TBC1D30: variants seen among roughly 807,000 people sequenced by gnomAD.
The protein encoded by TBC1D30 is TBC1 domain family member 30.
A neutral mutation model predicts 63.2 loss-of-function variants in TBC1D30; 31 were observed. That is an observed-to-expected ratio of 0.49 (90% CI 0.37 to 0.66). The LOEUF (loss-of-function observed/expected upper bound fraction) is 0.66. Ranked by LOEUF, TBC1D30 falls within the 30% of genes least tolerant of loss-of-function variation. The probability of loss-of-function intolerance (pLI) is 0.00; values close to 1 mark genes in which losing one functional copy is unlikely to be tolerated. For synonymous variants in TBC1D30, 307 were observed against 361.5 expected, an observed-to-expected ratio of 0.85 and a Z score of 1.71; for missense variants, 810 against 953.6, an observed-to-expected ratio of 0.85 and a Z score of 1.98.
chr12:64,779,873 C>T (rs1301151045), upstream of TBC1D30, among the ~76,000 whole-genome samples: 2 of 152,204 alleles, frequency 1.3e-5, no homozygotes, highest in African/African-American at 2.4e-5. Flanking sequence ...TCATGCAAAT[C>T]TCTAAGAACA....
At chr12:64,837,654 G>C (rs1875484819) in intron 6 of TBC1D30, among the ~76,000 whole-genome samples, 1 of 152,148 alleles carries the variant, frequency 6.6e-6, no homozygotes, top group Non-Finnish European at 1.5e-5. Flanking sequence ...GTGTGGCCTG[G>C]TTCCTAGCAG....
intron 1 of TBC1D30, among the ~76,000 whole-genome samples, chr12:64,764,001 CTGAT>C (rs1221594492): frequency 6.6e-6 from 1 of 152,180 alleles, no homozygotes; most frequent in East Asian, 1.9e-4. Flanking sequence ...TAACAGATGA[CTGAT>C]TATAAATGCT....
At chr12:64,804,209 T>A (rs1872735946) in intron 2 of TBC1D30, among the ~76,000 whole-genome samples, 1 of 152,218 alleles carries the variant, frequency 6.6e-6, no homozygotes, top group Non-Finnish European at 1.5e-5. Context: ...GTCCTTCACA[T>A]CCTTTGTAAG....
Position 64,875,452 on chromosome 12 carries a change from T to G in TBC1D30, c.1950T>G (p.Ser650=). 1 of 1,536,160 alleles carries G rather than the reference T, an allele frequency of 6.5e-7. No individual in the cohort carries two copies. The highest frequency in any genetic ancestry group is 8.7e-7 in the Non-Finnish European group (1 of 1,146,900). ...PVFGDADVDV[S]AVQAKLGALE... ...TCGGAGATGCTGATGTGGATGTGTC[T>G]GCAGTTCAGGCGAAGTTGGGAGCCC... Residue 650 remains serine, a synonymous_variant, in exon 12 of 12, where the codon TCT becomes TCG. Coordinates refer to ENST00000539867, the MANE Select transcript of TBC1D30 (RefSeq NM_015279.2).
chr12:64,796,458 A>AG (rs1014273033), intron 2 of TBC1D30, among the ~76,000 whole-genome samples: 2 of 152,122 alleles, frequency 1.3e-5, no homozygotes, highest in Admixed American at 1.3e-4. Context: ...CTTACGTGAG[A>AG]GAAGTATTAT....
chr12:64,775,469 G>A (rs1305175808), intron 1 of TBC1D30, among the ~76,000 whole-genome samples: 4 of 152,048 alleles, frequency 2.6e-5, no homozygotes, highest in Non-Finnish European at 2.9e-5. Context: ...GAAAAAAGCA[G>A]GGGTTGCAAT....
At chr12:64,811,641 G>A (rs1028841074) in intron 2 of TBC1D30, among the ~76,000 whole-genome samples, 4 of 152,152 alleles carry the variant, frequency 2.6e-5, no homozygotes, top group Admixed American at 6.5e-5. Context: ...CCATGGCATC[G>A]TATAAGATAG....
chr12:64,850,621 G>C (rs2136423629), intron 8 of TBC1D30, among the ~76,000 whole-genome samples: 1 of 152,228 alleles, frequency 6.6e-6, no homozygotes, highest in South Asian at 2.1e-4. Flanking sequence ...CCAGAGATAA[G>C]GCCAACTTGA....
At chr12:64,780,204 T>G (rs1871195666), upstream of TBC1D30, among the ~76,000 whole-genome samples, 1 of 152,222 alleles carries the variant, frequency 6.6e-6, no homozygotes, top group African/African-American at 2.4e-5. Flanking sequence ...TGCCAGGTGT[T>G]CAGAGTTTTA....
At chr12:64,853,452 A>C (rs2136430742) in intron 8 of TBC1D30, among the ~76,000 whole-genome samples, 1 of 152,334 alleles carries the variant, frequency 6.6e-6, no homozygotes, top group East Asian at 1.9e-4. Flanking sequence ...CCACTGAGCT[A>C]GACCACTTGG....
chr12:64,825,177 T>A, intron 1 of TBC1D30, 144 bp downstream of exon 1: 1 of 1,240,544 alleles, frequency 8.1e-7, no homozygotes, highest in Non-Finnish European at 1.1e-6. Flanking sequence ...CGTTGGCACC[T>A]GCAGGGAGCG....
chr12:64,781,196 G>T (rs778021723), exon 1 of TBC1D30: 13 of 1,089,834 alleles, frequency 1.2e-5, no homozygotes, highest in Admixed American at 5.2e-5. Context: ...GGTCCTGGGC[G>T]GCCGCAGCGG....
intron 1 of TBC1D30, chr12:64,781,416 C>A: frequency 1.1e-6 from 1 of 913,450 alleles, no homozygotes; most frequent in Non-Finnish European, 1.3e-6. Context: ...TTGGATCTGA[C>A]GGTGGTACCC....
chr12:64,768,013 C>T (rs1870782580), intron 1 of TBC1D30, among the ~76,000 whole-genome samples: 1 of 152,030 alleles, frequency 6.6e-6, no homozygotes, highest in African/African-American at 2.4e-5. Flanking sequence ...ACTGACCAGC[C>T]CATATATGAA....
At chr12:64,764,063 A>G (rs889374705) in intron 1 of TBC1D30, among the ~76,000 whole-genome samples, 11 of 152,218 alleles carry the variant, frequency 7.2e-5, no homozygotes, top group African/African-American at 2.7e-4. Context: ...TTGTTGAATA[A>G]TGTCTCAGAT....
chr12:64,833,133 T>G (rs923098227), intron 5 of TBC1D30, among the ~76,000 whole-genome samples: 5 of 152,182 alleles, frequency 3.3e-5, no homozygotes, highest in African/African-American at 7.2e-5. Flanking sequence ...CTTATTGAGT[T>G]GCTTTACTCT....
At chr12:64,859,635 G>A (rs1383135857) in intron 8 of TBC1D30, among the ~76,000 whole-genome samples, 2 of 152,162 alleles carry the variant, frequency 1.3e-5, no homozygotes, top group East Asian at 3.8e-4. Context: ...AAGTAATGGG[G>A]GAGAAAGGGC....
chr12:64,829,220 C>T lies in TBC1D30; in HGVS notation c.282+711C>T, dbSNP rs137905704. ...GACATGATCTGACTTTTATTATGAA[C>T]GGGCTACTCTGGGTACTGACTTGAG... On this transcript the variant is annotated intron_variant, in intron 3 of 11. Coordinates refer to ENST00000539867, the MANE Select transcript of TBC1D30 (RefSeq NM_015279.2). Among the ~76,000 whole-genome samples, 339 of 152,096 alleles carry T rather than the reference C, an allele frequency of 2.2e-3. 2 individuals carry two copies. Among genetic ancestry groups the T allele is most frequent in the African/African-American group, 7.7e-3 (320 of 41,486 alleles).
chr12:64,791,721 TG>T (rs753249225), intron 2 of TBC1D30, among the ~76,000 whole-genome samples: 64 of 149,884 alleles, frequency 4.3e-4, no homozygotes, highest in East Asian at 3.1e-3. Flanking sequence ...TATATATATA[TG>T]TTTTTTTTAA....
Sources: allele counts gnomAD v4.1 joint callset (sites outside exome capture counted in the v4.1 genomes callset), GRCh38; gene constraint gnomAD v4.1.1; transcripts MANE v1.5; gene names NCBI Gene and HGNC (gene_info 2026-07-23, HGNC 2026-07-21).